CDAN1: variants seen among roughly 807,000 people sequenced by gnomAD.
The protein encoded by CDAN1 is codanin-1.
CDAN1 carries 107 observed loss-of-function variants against 139.8 expected under a neutral mutation model. That is an observed-to-expected ratio of 0.77 (90% CI 0.65 to 0.90). CDAN1 has a LOEUF of 0.90. Ranked by LOEUF, CDAN1 falls within the 40% of genes least tolerant of loss-of-function variation. CDAN1 has a pLI of 0.00. For missense variants in CDAN1, 1,667 were observed against 1,575.7 expected (o/e 1.06, Z -0.98); for synonymous variants, 776 against 660.6 (o/e 1.17, Z -2.68).
intron 14 of CDAN1, 43 bp from the exon 15 acceptor site, chr15:42,730,258 G>A: frequency 6.4e-7 from 1 of 1,553,006 alleles, no homozygotes; most frequent in Non-Finnish European, 8.9e-7. Context: ...GCAGAAAGGG[G>A]AAGGGAATGG....
Position 42,725,558 on chromosome 15 carries a change from C to G in CDAN1, c.3381G>C (p.Gly1127=). ...LLSLWKEDFQ[G]PVPLQLLLSP... ...TCAGCAGCAGCTGCAGCGGAACCGGCCCCTGAAAGTCTTCCTTCCACAAGG... is the reference window on the plus strand; with the variant it reads ...TCAGCAGCAGCTGCAGCGGAACCGGGCCCTGAAAGTCTTCCTTCCACAAGG... The change falls in exon 26 of 28, where the codon GGG becomes GGC. Residue 1127 remains glycine, a synonymous_variant. Transcript: ENST00000356231. 6.2e-7 allele frequency: 1 copy of G among 1,614,162 alleles called. No individual in the cohort carries two copies.
rs371248047 is a variant in CDAN1 at position 42,727,550 on chromosome 15, GAA to G, written c.3096+69_3096+70del. On this transcript the variant is annotated intron_variant, in intron 23 of 27. Coordinates refer to ENST00000356231, the MANE Select transcript of CDAN1 (RefSeq NM_138477.4). ...CATAAAAATCCTGGAGCTGATGTGA[GAA>G]AGGAAAAACCAGGAACAGAGCAGGG... 4.3e-6 allele frequency: 6 copies of G among 1,389,488 alleles called. No individual in the cohort carries two copies. In the African/African-American group the frequency reaches 8.7e-5, roughly 20 times the overall value. 86.1% of individuals were successfully genotyped at this position (1,389,488 alleles called of 1,614,324 possible).
intron 25 of CDAN1, 89 bp downstream of exon 25, chr15:42,726,008 A>G (rs2061522056): frequency 3.1e-6 from 3 of 983,364 alleles, no homozygotes; most frequent in Non-Finnish European, 4.9e-6. Flanking sequence ...AAAGGGACAG[A>G]AGAGGGCTCT....
rs757340519 is a variant in CDAN1, at chr15:42,729,326, C to G, written c.2444G>C (p.Gly815Ala). ...GAAGCCCCCACTCCGTCCACTACTG[C>G]CTGACACCCACGAAGCGAGCAGTTT... ...LRKLLASWVS[G>A]SSGRSGGFMR... Residue 815 changes from glycine (G) to alanine (A), a missense_variant, in exon 18 of 28, where the codon GGC (glycine) becomes GCC (alanine). By Grantham distance (60) the Gly-to-Ala change is moderately conservative. Coordinates refer to ENST00000356231, the MANE Select transcript of CDAN1 (RefSeq NM_138477.4). The G allele has an allele frequency of 5.6e-6, 9 of 1,614,190 alleles. No homozygotes were observed. The highest frequency in any genetic ancestry group is 7.6e-6 in the Non-Finnish European group (9 of 1,180,028).
intron 23 of CDAN1, chr15:42,726,630 G>A (rs2061533633): frequency 1.7e-6 from 1 of 593,094 alleles, no homozygotes; most frequent in South Asian, 2.0e-5. Context: ...GGAACAGATG[G>A]AGGTCAGCTG....
rs968145928 is a variant in CDAN1 at position 42,724,847 on chromosome 15, T to TGA, written c.3559-233_3559-232dup. Reference sequence around the variant, plus strand: ...GGCTTGACCAGTTTTTGAGTACTACTGAGTGCATCTACTTCATCTTGAAAT... The same window carrying TGA: ...GGCTTGACCAGTTTTTGAGTACTACTGAGAGTGCATCTACTTCATCTTGAAAT... On this transcript the variant is annotated intron_variant, in intron 27 of 27. Transcript: ENST00000356231. 7 of 614,668 alleles carry TGA rather than the reference T, an allele frequency of 1.1e-5. No individual in the cohort carries two copies. In the Admixed American group the frequency reaches 1.9e-4, roughly 17 times the overall value. 38.1% of individuals were successfully genotyped at this position (614,668 alleles called of 1,614,324 possible).
intron 27 of CDAN1, chr15:42,724,894 G>A (rs2061502268): frequency 3.3e-6 from 2 of 612,318 alleles, no homozygotes; most frequent in Admixed American, 2.9e-5. Flanking sequence ...TTAAAATCCA[G>A]GTTATTCTAA....
At chr15:42,729,478 C>T in intron 17 of CDAN1, 90 bp downstream of exon 17, 3 of 1,600,256 alleles carry the variant, frequency 1.9e-6, no homozygotes, top group South Asian at 2.2e-5. Context: ...ATGAACGGAG[C>T]AATATCCAAG....
intron 7 of CDAN1, 89 bp downstream of exon 7, chr15:42,734,137 C>T: frequency 1.9e-6 from 3 of 1,605,486 alleles, no homozygotes; most frequent in East Asian, 2.2e-5. Context: ...TCACATTACA[C>T]TGAAGTGTCG....
chr15:42,737,036 C>T lies in CDAN1; in HGVS notation c.67G>A (p.Ala23Thr). The T allele has an allele frequency of 6.5e-7, 1 of 1,548,588 alleles. No homozygotes were observed. Among genetic ancestry groups the T allele is most frequent in the Non-Finnish European group, 8.7e-7 (1 of 1,146,144 alleles). The change falls in exon 1 of 28, where the codon GCG becomes ACG. Residue 23 changes from alanine to threonine, a missense_variant. Ala to Thr is a moderately conservative substitution (Grantham distance 58). Around this residue, in one of 3 missense-constraint regions of CDAN1, gnomAD observed 487 missense variants for 422.2 expected, o/e 1.15. Transcript: ENST00000356231. ...VSVAAVVRWIARSTQGSEDNA... is the reference protein window; with the variant it reads ...VSVAAVVRWITRSTQGSEDNA... ...ACCTCCGAACCCTGGGTGCTGCGCG[C>T]GATCCACCGCACGACGGCTGCGACC...
At chr15:42,735,736 C>T in intron 3 of CDAN1, 57 bp from the exon 4 acceptor site, 1 of 1,597,412 alleles carries the variant, frequency 6.3e-7, no homozygotes. Flanking sequence ...TACGGCCACA[C>T]TCAGGTCACT....
intron 23 of CDAN1, 73 bp from the exon 24 acceptor site, chr15:42,726,490 G>A (rs1442837645): frequency 5.7e-6 from 7 of 1,221,664 alleles, no homozygotes; most frequent in African/African-American, 1.5e-5. Context: ...CTTGGGACAG[G>A]GATCAGCCAG....
chr15:42,727,769 G>A lies in CDAN1; in HGVS notation c.2948C>T (p.Ala983Val), dbSNP rs756972914. 5.6e-6 allele frequency: 9 copies of A among 1,603,280 alleles called. No homozygotes were observed. The Admixed American group carries it at 1.5e-4, about 27-fold the overall frequency. The change falls in exon 23 of 28, where the codon GCA (alanine) becomes GTA (valine). Residue 983 changes from alanine (A) to valine (V), a missense_variant and splice_region_variant. Ala to Val is a moderately conservative substitution (Grantham distance 64). Around this residue, in one of 3 missense-constraint regions of CDAN1, gnomAD observed 936 missense variants for 844.1 expected, o/e 1.11. Transcript: ENST00000356231. ...TGCTTTCACCTCCCTCCTGATCAGT[G>A]CTGTGGGGCAGAGGGAGAATGGGAA... ...ACAWLSANIT[A>V]LIRREVKAAV...
At position 42,729,116 on chromosome 15, in the gene CDAN1, G is replaced by A. The variant is rs367858084; in HGVS notation, c.2552C>T (p.Ala851Val). The A allele has an allele frequency of 1.2e-6, 2 of 1,614,178 alleles. No homozygotes were observed. Among genetic ancestry groups the A allele is most frequent in the African/African-American group, 1.3e-5 (1 of 75,038 alleles). Residue 851 changes from alanine (A) to valine (V), a missense_variant, in exon 19 of 28, where the codon GCC (alanine) becomes GTC (valine). This residue lies in a region of CDAN1 where 936 missense variants were observed against 844.1 expected (regional missense o/e 1.11). Transcript: ENST00000356231. Reference protein sequence around the residue: ...QTSQGLQAQLAQAFFHNQPPS... With the variant: ...QTSQGLQAQLVQAFFHNQPPS... The stretch of plus-strand genomic sequence containing the variant: ...CGGCTGGTTGTGGAAAAAGGCCTGG[G>A]CGAGCTGTGCCTGGGGGGAGGAGGG...
intron 26 of CDAN1, 89 bp downstream of exon 26, chr15:42,725,400 A>G: frequency 6.5e-7 from 1 of 1,544,910 alleles, no homozygotes; most frequent in Middle Eastern, 1.7e-4. Flanking sequence ...AAGGGGAAAT[A>G]AAGGATGCAG....
At chr15:42,729,919 G>A (rs779301406) in intron 15 of CDAN1, 34 bp from the exon 16 acceptor site, 1 of 1,561,096 alleles carries the variant, frequency 6.4e-7, no homozygotes, top group Admixed American at 1.7e-5. Flanking sequence ...GTCAACTTCA[G>A]AGACCCCCAC....
At chr15:42,733,892 AAAATGTC>A in intron 8 of CDAN1, 39 bp downstream of exon 8, 1 of 1,402,486 alleles carries the variant, frequency 7.1e-7, no homozygotes, top group Non-Finnish European at 1.0e-6. Context: ...CTATTCCAGA[AAAATGTC>A]ATCTCATTCC....
rs1566985502 is a variant in CDAN1 at position 42,731,719 on chromosome 15, T to A, written c.1640A>T (p.Glu547Val). ...DKLGRLWRLQ[E>V]RLMAPQSSGG... ...ACTGCTCTGAGGAGCCATAAGCCGT[T>A]CCTGTAGGCGCCACAACCGCCCCAG... The change falls in exon 11 of 28, where the codon GAA (glutamate) becomes GTA (valine). Residue 547 changes from glutamate to valine, a missense_variant. Coordinates refer to ENST00000356231, the MANE Select transcript of CDAN1 (RefSeq NM_138477.4). 6.2e-7 allele frequency: 1 copy of A among 1,614,100 alleles called. No homozygotes were observed. Among genetic ancestry groups the A allele is most frequent in the Non-Finnish European group, 8.5e-7 (1 of 1,180,018 alleles).
chr15:42,728,222 T>G lies in CDAN1; in HGVS notation c.2850A>C (p.Pro950=), dbSNP rs1474559173. 1 of 1,613,840 alleles carries G rather than the reference T, an allele frequency of 6.2e-7. No homozygotes were observed. Among genetic ancestry groups the G allele is most frequent in the Non-Finnish European group, 8.5e-7 (1 of 1,179,978 alleles). The change falls in exon 21 of 28, where the codon CCA becomes CCC. Residue 950 remains proline, a synonymous_variant. Coordinates refer to ENST00000356231, the MANE Select transcript of CDAN1 (RefSeq NM_138477.4). ...CACGTACGGCTGCCGGGGTCTCCTC[T>G]GGAAGCAGCGCCCGCACAGCCCCAG... is the stretch of plus-strand genomic sequence containing the variant. ...KSPGAVRALL[P]EETPAAVLSS...
Sources: gnomAD v4.1 joint callset for allele counts on GRCh38, gnomAD v4.1.1 for gene constraint, gnomAD v4.1.1 regional missense constraint, MANE v1.5 for transcripts, NCBI Gene and HGNC (gene_info 2026-07-23, HGNC 2026-07-21) for gene names.